DIS3L: variants seen among roughly 807,000 people sequenced by gnomAD.
The protein encoded by DIS3L is DIS3-like exonuclease 1.
In DIS3L, 100 loss-of-function variants were observed where a neutral mutation model predicts 120.3. The observed-to-expected ratio is 0.83, with a 90% CI of 0.71 to 0.98. The LOEUF (loss-of-function observed/expected upper bound fraction) is 0.98. DIS3L is among the 50% of genes least tolerant of loss of function. The probability of loss-of-function intolerance (pLI) is 0.00; values close to 1 mark genes in which losing one functional copy is unlikely to be tolerated. For synonymous variants in DIS3L, 426 were observed against 470.6 expected (o/e 0.91, Z 1.23); for missense variants, 1,196 against 1,314.2 (o/e 0.91, Z 1.39).
chr15:66,322,983 AT>A (rs781224641), intron 10 of DIS3L, 49 bp downstream of exon 10: 3 of 1,600,362 alleles, frequency 1.9e-6, no homozygotes, highest in Non-Finnish European at 2.6e-6. Context: ...GTGACTGGAT[AT>A]TTTGTGTCTG....
rs1394656875 is a variant in DIS3L, at chr15:66,332,817, G to C, written c.2763G>C (p.Trp921Cys). The C allele has an allele frequency of 6.2e-7, 1 of 1,613,974 alleles. No homozygotes were observed. The highest frequency in any genetic ancestry group is 1.7e-5 in the Admixed American group (1 of 59,988). Residue 921 changes from tryptophan to cysteine, a missense_variant, in exon 16 of 17, where the codon TGG becomes TGC. By Grantham distance (215) the Trp-to-Cys change is radical. Coordinates refer to ENST00000319212, the MANE Select transcript of DIS3L (RefSeq NM_001143688.3). ...ISCGPDSCSE[W>C]KPGSLQRFQN... ...GTGGCCCAGATAGCTGTTCTGAATG[G>C]AAACCAGGATCCCTTCAACGATTTC...
chr15:66,326,411 AT>A (rs1379335364), intron 12 of DIS3L, 47 bp downstream of exon 12: 1 of 1,561,760 alleles, frequency 6.4e-7, no homozygotes, highest in South Asian at 1.2e-5. Flanking sequence ...CATGCTGTAT[AT>A]TTAGTTATCT....
Position 66,311,800 on chromosome 15 carries a change from AGAGAGAGAATGAGAGTCAG to A in DIS3L, c.641_659del (p.Glu214AlafsTer15), listed in dbSNP as rs777511724. 3 of 1,614,036 alleles carry A rather than the reference AGAGAGAGAATGAGAGTCAG, an allele frequency of 1.9e-6. No homozygotes were observed. Among genetic ancestry groups the A allele is most frequent in the Non-Finnish European group, 2.5e-6 (3 of 1,179,954 alleles). On this transcript the variant is annotated frameshift_variant, in exon 5 of 17. Coordinates refer to ENST00000319212, the MANE Select transcript of DIS3L (RefSeq NM_001143688.3). LOFTEE classifies it high-confidence loss of function. ...GATTCTATCCTTCAGTCTCGACGGG[AGAGAGAGAATGAGAGTCAG>A]GAGAGCCATGGGAAGGAGTACCCAG...
chr15:66,295,202 C>A, intron 2 of DIS3L, 61 bp downstream of exon 2: 1 of 1,504,940 alleles, frequency 6.6e-7, no homozygotes, highest in Non-Finnish European at 9.0e-7. Flanking sequence ...TAGAAAAGGT[C>A]CCTTGTCGGA....
intron 5 of DIS3L, among the ~76,000 whole-genome samples, chr15:66,312,209 TAA>T (rs535749569): frequency 8.2e-4 from 100 of 121,230 alleles, no homozygotes; most frequent in Admixed American, 6.8e-4. Context: ...CTGTCTCAAT[TAA>T]AAAAAAAAAA....
In DIS3L at chr15:66,325,902, C is replaced by A. The variant is rs1347526599; in HGVS notation, c.1739C>A (p.Thr580Asn). Residue 580 changes from threonine (T) to asparagine (N), a missense_variant, in exon 12 of 17, where the codon ACC becomes AAC. By Grantham distance (65) the Thr-to-Asn change is moderately conservative (BLOSUM62 0). Transcript: ENST00000319212. Reference sequence around the variant, plus strand: ...ATTAAGAAAGTGTGGTATGGCAGAACCATTATTCGATCAGCATACAAACTG... The same window carrying A: ...ATTAAGAAAGTGTGGTATGGCAGAAACATTATTCGATCAGCATACAAACTG... ...YEIKKVWYGRTIIRSAYKLFY... is the reference protein window; with the variant it reads ...YEIKKVWYGRNIIRSAYKLFY... 1.2e-6 allele frequency: 2 copies of A among 1,614,028 alleles called. No individual in the cohort carries two copies. Among genetic ancestry groups the A allele is most frequent in the Non-Finnish European group, 1.7e-6 (2 of 1,179,956 alleles).
Position 66,293,744 on chromosome 15 carries a change from C to T in DIS3L, c.139+9C>T. The T allele has an allele frequency of 5.8e-6, 7 of 1,209,218 alleles. No individual in the cohort carries two copies. The highest frequency in any genetic ancestry group is 7.2e-6 in the Non-Finnish European group (7 of 973,626). 74.9% of individuals were successfully genotyped at this position (1,209,218 alleles called of 1,614,324 possible). ...CGCCGCCTGCAGCCACGGTCAGGGC[C>T]GGGGCGGGGGCGGGGACGGGGCCGG... On this transcript the variant is annotated intron_variant, in intron 1 of 16. Transcript: ENST00000319212.
chr15:66,318,323 TG>T, intron 7 of DIS3L, 125 bp from the exon 8 acceptor site: 1 of 1,060,390 alleles, frequency 9.4e-7, no homozygotes, highest in Non-Finnish European at 1.4e-6. Flanking sequence ...TTGAGTTGGG[TG>T]GATGTGCTTG....
In DIS3L at chr15:66,333,247, T is replaced by C; in HGVS notation, c.3100T>C (p.Tyr1034His). ...TCGCCAAACAAAGGGAAGGAGCCTA[T>C]ACACACTTCTAGAGGAGATACGGGA... is the stretch of plus-strand genomic sequence containing the variant. Reference protein sequence around the residue: ...EYRQTKGRSLYTLLEEIRDLA... With the variant: ...EYRQTKGRSLHTLLEEIRDLA... Residue 1034 changes from tyrosine to histidine, a missense_variant, in exon 17 of 17, where the codon TAC (tyrosine) becomes CAC (histidine). Tyr to His is a moderately conservative substitution (Grantham distance 83, BLOSUM62 2). Transcript: ENST00000319212. The C allele has an allele frequency of 1.2e-6, 2 of 1,614,096 alleles. No homozygotes were observed. Among genetic ancestry groups the C allele is most frequent in the Non-Finnish European group, 1.7e-6 (2 of 1,180,028 alleles).
intron 2 of DIS3L, among the ~76,000 whole-genome samples, chr15:66,301,656 T>C (rs1270529281): frequency 6.6e-6 from 1 of 152,210 alleles, no homozygotes; most frequent in African/African-American, 2.4e-5. Context: ...TGCTGTTTGC[T>C]GACTCCGTGC....
chr15:66,332,067 G>T (rs531153124), intron 15 of DIS3L, 47 bp downstream of exon 15: 3 of 1,546,302 alleles, frequency 1.9e-6, no homozygotes, highest in Non-Finnish European at 2.6e-6. Context: ...ATAGTTAAAA[G>T]TGTAGAACAC....
At chr15:66,317,975 G>C (rs1006105233) in intron 7 of DIS3L, among the ~76,000 whole-genome samples, 1 of 151,948 alleles carries the variant, frequency 6.6e-6, no homozygotes, top group Non-Finnish European at 1.5e-5. Context: ...TTTGGTTTTT[G>C]TTTATGTGTT....
At chr15:66,293,929 T>C (rs1281196160) in intron 1 of DIS3L, 194 bp downstream of exon 1, 5 of 997,994 alleles carry the variant, frequency 5.0e-6, no homozygotes, top group Non-Finnish European at 6.0e-6. Flanking sequence ...CCGCGGCTTC[T>C]GGGGCGCCCG....
intron 2 of DIS3L, among the ~76,000 whole-genome samples, chr15:66,301,071 A>G (rs550059342): frequency 6.6e-6 from 1 of 152,140 alleles, no homozygotes; most frequent in Non-Finnish European, 1.5e-5. Flanking sequence ...TAATCCTTAG[A>G]GAGAACAGTC....
chr15:66,314,073 T>C lies in DIS3L; in HGVS notation c.770T>C (p.Ile257Thr), dbSNP rs1051203529. The change falls in exon 6 of 17, where the codon ATA becomes ACA. Residue 257 changes from isoleucine to threonine, a missense_variant. By Grantham distance (89) the Ile-to-Thr change is moderately conservative. Coordinates refer to ENST00000319212, the MANE Select transcript of DIS3L (RefSeq NM_001143688.3). ...AATGTCAACAAACACAGAGCCCAAA[T>C]AGAAGCTTTTGTTCGACTTCAAGGA... ...ILNVNKHRAQ[I>T]EAFVRLQGAS... is the part of the protein sequence containing the mutation. The C allele has an allele frequency of 2.9e-5, 45 of 1,534,476 alleles. No individual in the cohort carries two copies. The highest frequency in any genetic ancestry group is 3.9e-5 in the Non-Finnish European group (45 of 1,147,018).
chr15:66,332,154 C>T (rs1489203414), intron 15 of DIS3L, 134 bp downstream of exon 15: 2 of 949,020 alleles, frequency 2.1e-6, no homozygotes, highest in African/African-American at 1.7e-5. Flanking sequence ...ATGTATAATT[C>T]AGTATATAAA....
intron 2 of DIS3L, 148 bp downstream of exon 2, chr15:66,295,289 A>G: frequency 1.4e-6 from 1 of 709,612 alleles, no homozygotes; most frequent in Non-Finnish European, 2.2e-6. Context: ...ATAGTGAGGA[A>G]TGCAGTAACA....
intron 14 of DIS3L, 146 bp from the exon 15 acceptor site, chr15:66,331,729 C>G: frequency 1.1e-6 from 1 of 885,076 alleles, no homozygotes. Flanking sequence ...GGTTAAGTTC[C>G]CACAAAAAGT....
At position 66,325,999 on chromosome 15, in the gene DIS3L, C is replaced by T. The variant is rs752837996; in HGVS notation, c.1836C>T (p.Asp612=). Residue 612 remains aspartate, a synonymous_variant, in exon 12 of 17, where the codon GAC becomes GAT. Transcript: ENST00000319212. ...TTGATGATATTCCAGAATTCAAAGA[C>T]TTGGATGAGAAGAGCAGACAAGCCA... The part of the protein sequence containing the change: ...SVVDDIPEFK[D]LDEKSRQAKL... The T allele has an allele frequency of 2.5e-6, 4 of 1,614,084 alleles. No individual in the cohort carries two copies. The highest frequency in any genetic ancestry group is 1.7e-6 in the Non-Finnish European group (2 of 1,180,016).
Sources: allele counts gnomAD v4.1 joint callset (sites outside exome capture counted in the v4.1 genomes callset), GRCh38; gene constraint gnomAD v4.1.1; transcripts MANE v1.5; gene names NCBI Gene and HGNC (gene_info 2026-07-23, HGNC 2026-07-21).